COQ8B: variants seen among roughly 807,000 people sequenced by gnomAD.
The protein encoded by COQ8B is coenzyme Q8B.
COQ8B carries 44 observed loss-of-function variants against 62.0 expected under a neutral mutation model. The ratio of observed to expected loss-of-function variants is 0.71; its 90% CI spans 0.56 to 0.91. The LOEUF is 0.91. Ranked by LOEUF, COQ8B falls within the 40% of genes least tolerant of loss-of-function variation. The pLI is 0.00. For missense variants in COQ8B, 649 were observed against 731.6 expected, an observed-to-expected ratio of 0.89 and a Z score of 1.30; for synonymous variants, 252 against 289.9, an observed-to-expected ratio of 0.87 and a Z score of 1.33.
chr19:40,700,719 C>G, intron 10 of COQ8B: 1 of 464,270 alleles, frequency 2.2e-6, no homozygotes. Flanking sequence ...TACCCGAAAC[C>G]CTTCTATGAC....
At position 40,691,927 on chromosome 19, in the gene COQ8B, C is replaced by T. The variant is rs571931178; in HGVS notation, c.*108G>A. 1.5e-4 allele frequency: 164 copies of T among 1,113,772 alleles called. 1 individual carries two copies. The highest frequency in any genetic ancestry group is 6.2e-4 in the South Asian group (24 of 38,938). 69.0% of individuals were successfully genotyped at this position (1,113,772 alleles called of 1,614,324 possible). On this transcript the variant is annotated 3_prime_UTR_variant, in exon 15 of 15. Transcript: ENST00000324464. ...GGCCAAGGAGGAGAGCCAGGCAAGA[C>T]TGGGAAGCCCAAGGGGGCTCCTCTG...
intron 8 of COQ8B, 41 bp downstream of exon 8, chr19:40,703,674 G>A: frequency 1.9e-6 from 3 of 1,613,910 alleles, no homozygotes; most frequent in Non-Finnish European, 2.5e-6. Flanking sequence ...CTCTGGGCTA[G>A]CAGGGTGCCC....
intron 7 of COQ8B, chr19:40,704,537 G>A (rs1359079971): frequency 6.5e-6 from 1 of 153,488 alleles, no homozygotes; most frequent in Non-Finnish European, 1.5e-5. Context: ...TGGGCTTCCT[G>A]TGGGCCAGGT....
At chr19:40,698,739 A>G (rs1023512995) in intron 12 of COQ8B, among the ~76,000 whole-genome samples, 6 of 152,110 alleles carry the variant, frequency 3.9e-5, no homozygotes, top group African/African-American at 1.4e-4. Context: ...TTCAGACTTG[A>G]TTCTGAGGGG....
rs1422165614 is a variant in COQ8B, at chr19:40,692,382, G to T, written c.1297-9C>A. On this transcript the variant is annotated splice_polypyrimidine_tract_variant and intron_variant, in intron 14 of 14. Transcript: ENST00000324464. Reference sequence around the variant, plus strand: ...TGGGCGTCGGAGAATGCCTGGGAGTGGGGGTGGGGGGAGAGCAAAGGCAGC... The same window carrying T: ...TGGGCGTCGGAGAATGCCTGGGAGTTGGGGTGGGGGGAGAGCAAAGGCAGC... The T allele has an allele frequency of 2.5e-6, 4 of 1,611,046 alleles. No homozygotes were observed. Among genetic ancestry groups the T allele is most frequent in the African/African-American group, 1.3e-5 (1 of 74,814 alleles).
In COQ8B at chr19:40,691,994, G is replaced by A; in HGVS notation, c.*41C>T. 6.5e-7 allele frequency: 1 copy of A among 1,531,834 alleles called. No homozygotes were observed. The highest frequency in any genetic ancestry group is 8.8e-7 in the Non-Finnish European group (1 of 1,134,726). The allele number at this position is 1,531,834 out of a possible 1,614,324, so 94.9% of individuals were successfully genotyped here. ...GAAGGGATAAGAGGCACTACAGCAG[G>A]GTACGGCCTGCTCTGGGGACTGAAT... On this transcript the variant is annotated 3_prime_UTR_variant, in exon 15 of 15. Coordinates refer to ENST00000324464, the MANE Select transcript of COQ8B (RefSeq NM_024876.4).
In COQ8B at chr19:40,704,948, G is replaced by A. The variant is rs1052589088; in HGVS notation, c.576+148C>T. ...TGTTTTAATCACCACAGCAATGCTAGGAGGTGTGTACTCTGGTGATTCCCA... is the reference window on the plus strand; with the variant it reads ...TGTTTTAATCACCACAGCAATGCTAAGAGGTGTGTACTCTGGTGATTCCCA... On this transcript the variant is annotated intron_variant, in intron 7 of 14. Transcript: ENST00000324464. 6 of 712,432 alleles carry A rather than the reference G, an allele frequency of 8.4e-6. No individual in the cohort carries two copies. The African/African-American group carries it at 1.1e-4, about 13-fold the overall frequency. The allele number at this position is 712,432 out of a possible 1,614,324, so 44.1% of individuals were successfully genotyped here.
intron 12 of COQ8B, 40 bp downstream of exon 12, chr19:40,700,027 A>G (rs2082048955): frequency 6.4e-7 from 1 of 1,567,672 alleles, no homozygotes; most frequent in East Asian, 2.2e-5. Context: ...TATTTGTTAC[A>G]ACAGCAAATG....
At chr19:40,702,561 G>C (rs1284347475) in intron 10 of COQ8B, 39 bp downstream of exon 10, 2 of 1,597,258 alleles carry the variant, frequency 1.3e-6, no homozygotes, top group Non-Finnish European at 1.7e-6. Context: ...CCCAGCCTGG[G>C]AGGGAGGGAA....
chr19:40,714,887 G>C (rs1243395445), intron 1 of COQ8B: 25 of 1,280,374 alleles, frequency 2.0e-5, no homozygotes, highest in Non-Finnish European at 2.1e-5. Flanking sequence ...CCCGTTACTA[G>C]ACACCCACAG....
intron 12 of COQ8B, among the ~76,000 whole-genome samples, chr19:40,697,843 T>G (rs1281561050): frequency 0.056 from 2,717 of 48,590 alleles, 50 homozygotes; most frequent in East Asian, 0.11. Context: ...TATATATATA[T>G]ATATATATAG....
intron 4 of COQ8B, among the ~76,000 whole-genome samples, chr19:40,711,362 G>C (rs2144714074): frequency 6.6e-6 from 1 of 152,104 alleles, no homozygotes; most frequent in South Asian, 2.1e-4. Flanking sequence ...CTCCTGAGTA[G>C]CTGAGACCAC....
At chr19:40,692,923 G>C in intron 14 of COQ8B, 28 bp downstream of exon 14, 4 of 1,605,588 alleles carry the variant, frequency 2.5e-6, no homozygotes, top group Middle Eastern at 1.7e-4. Context: ...ACAGACACCA[G>C]CCCCTTTCTC....
rs202234463 is a variant in COQ8B at position 40,697,874 on chromosome 19, A to AGAGAGAGAGAGAGAGAGAGAGT, written c.1144-1821_1144-1820insACTCTCTCTCTCTCTCTCTCTC. Among the ~76,000 whole-genome samples, 157 of 96,802 alleles carry AGAGAGAGAGAGAGAGAGAGAGT rather than the reference A, an allele frequency of 1.6e-3. 3 individuals carry two copies. Among genetic ancestry groups the AGAGAGAGAGAGAGAGAGAGAGT allele is most frequent in the Middle Eastern group, 6.0e-3 (1 of 168 alleles). 63.5% of individuals were successfully genotyped at this position (96,802 alleles called of 152,430 possible). ...TATAGAGAGAGAGAGAGAGAGAGAG[A>AGAGAGAGAGAGAGAGAGAGAGT]GAGTTTCTACTGGGCGTTCATGCAA... On this transcript the variant is annotated intron_variant, in intron 12 of 14. Transcript: ENST00000324464.
intron 5 of COQ8B, among the ~76,000 whole-genome samples, chr19:40,708,766 A>G (rs1225198773): frequency 2.0e-5 from 3 of 147,358 alleles, no homozygotes; most frequent in Non-Finnish European, 4.4e-5. Context: ...TCTCTCTACA[A>G]AAAATACAAA....
At chr19:40,707,276 GA>G (rs902582163) in intron 5 of COQ8B, among the ~76,000 whole-genome samples, 68 of 132,024 alleles carry the variant, frequency 5.2e-4, no homozygotes, top group Non-Finnish European at 6.4e-4. Flanking sequence ...CTCAAAAAAA[GA>G]AAAAAAAAAA....
chr19:40,704,878 C>G (rs1414911320), intron 7 of COQ8B: 3 of 518,842 alleles, frequency 5.8e-6, no homozygotes, highest in Non-Finnish European at 1.0e-5. Flanking sequence ...TCGCCATTTC[C>G]CAGGGAAGGG....
At position 40,692,344 on chromosome 19, in the gene COQ8B, C is replaced by T; in HGVS notation, c.1326G>A (p.Val442=). 2 of 1,613,622 alleles carry T rather than the reference C, an allele frequency of 1.2e-6. No homozygotes were observed. The highest frequency in any genetic ancestry group is 8.5e-7 in the Non-Finnish European group (1 of 1,179,856). ...TGGCGAAAGGCTCCCCCAGGATCAT[C>T]ACTGCCTCCACGTGGGCGTCGGAGA... ...KAFSDAHVEA[V]MILGEPFATQ... is the part of the protein sequence containing the mutation. The change falls in exon 15 of 15, where the codon GTG becomes GTA. Residue 442 remains valine (V), a synonymous_variant. Transcript: ENST00000324464.
intron 4 of COQ8B, among the ~76,000 whole-genome samples, chr19:40,711,127 G>A (rs1471693261): frequency 1.6e-5 from 1 of 62,014 alleles, no homozygotes; most frequent in Non-Finnish European, 3.0e-5. Context: ...GAGAAACTCC[G>A]TCTCAAAAAA....
Sources: gnomAD v4.1 joint callset for allele counts (sites outside exome capture counted in the v4.1 genomes callset) on GRCh38, gnomAD v4.1.1 for gene constraint, MANE v1.5 for transcripts, NCBI Gene and HGNC (gene_info 2026-07-23, HGNC 2026-07-21) for gene names.